DDAH1: variants seen among roughly 807,000 people sequenced by gnomAD.
The protein encoded by DDAH1 is N(G),N(G)-dimethylarginine dimethylaminohydrolase 1.
In DDAH1, 19 loss-of-function variants were observed where a neutral mutation model predicts 28.8. The observed-to-expected ratio is 0.66, with a 90% CI of 0.46 to 0.97. The LOEUF (loss-of-function observed/expected upper bound fraction) is 0.97. Ranked by LOEUF, DDAH1 falls within the 50% of genes least tolerant of loss-of-function variation. DDAH1 has a pLI of 0.00. For missense variants in DDAH1, 326 were observed against 375.9 expected (o/e 0.87, Z 1.10); for synonymous variants, 153 against 154.4 (o/e 0.99, Z 0.07).
chr1:85,432,528 TC>T (rs1486711149), intron 1 of DDAH1, among the ~76,000 whole-genome samples: 1 of 152,222 alleles, frequency 6.6e-6, no homozygotes, highest in Admixed American at 6.5e-5. Context: ...TCAGCTTTTT[TC>T]AGTAGATTCC....
intron 2 of DDAH1, chr1:85,482,400 A>G (rs192170723): frequency 3.4e-4 from 52 of 152,364 alleles, no homozygotes; most frequent in African/African-American, 1.3e-3. Context: ...GTCTTTCAAC[A>G]GTAGAAAATG....
chr1:85,343,497 T>G (rs1648637715), intron 4 of DDAH1, among the ~76,000 whole-genome samples: 1 of 152,240 alleles, frequency 6.6e-6, no homozygotes, highest in East Asian at 1.9e-4. Flanking sequence ...TTTAAAAAAA[T>G]CATTGTTTTG....
chr1:85,576,247 G>C (rs911449689), intron 1 of DDAH1, among the ~76,000 whole-genome samples: 14 of 152,296 alleles, frequency 9.2e-5, no homozygotes, highest in African/African-American at 3.4e-4. Flanking sequence ...TAGAGGGGAT[G>C]ACATGAGATT....
rs1661203610 is a variant in DDAH1, at chr1:85,318,652, G to A, written c.*2800C>T. 1 of 152,544 alleles carries A rather than the reference G, an allele frequency of 6.6e-6. No homozygotes were observed. The highest frequency in any genetic ancestry group is 1.5e-5 in the Non-Finnish European group (1 of 68,022). The allele number at this position is 152,544 out of a possible 1,614,324, so 9.4% of individuals were successfully genotyped here. A position where few individuals can be genotyped will look rare whatever the true frequency, so the allele number is the denominator to read the frequency against. ...AACCATACATTGGCTGGAATGAGGTGGTCAGGAAAATAAAATGCACAAATC... is the reference window on the plus strand; with the variant it reads ...AACCATACATTGGCTGGAATGAGGTAGTCAGGAAAATAAAATGCACAAATC... On this transcript the variant is annotated 3_prime_UTR_variant, in exon 6 of 6. Coordinates refer to ENST00000284031, the MANE Select transcript of DDAH1 (RefSeq NM_012137.4).
At chr1:85,525,177 C>T (rs1001278) in intron 1 of DDAH1, among the ~76,000 whole-genome samples, 2 of 151,170 alleles carry the variant, frequency 1.3e-5, no homozygotes, top group Non-Finnish European at 2.9e-5. Context: ...TTTTCTTTAT[C>T]GAATTGACTA....
chr1:85,357,808 C>T (rs1553125600), intron 2 of DDAH1, among the ~76,000 whole-genome samples: 6 of 152,212 alleles, frequency 3.9e-5, no homozygotes, highest in Admixed American at 2.6e-4. Context: ...AGATTTTACA[C>T]ATGATTTTAT....
intron 1 of DDAH1, among the ~76,000 whole-genome samples, chr1:85,566,529 G>T (rs886769678): frequency 6.6e-6 from 1 of 150,760 alleles, no homozygotes; most frequent in Non-Finnish European, 1.5e-5. Flanking sequence ...AAATAAAGTA[G>T]TAGAGAATGT....
intron 1 of DDAH1, among the ~76,000 whole-genome samples, chr1:85,559,628 G>T (rs1196620237): frequency 2.6e-5 from 4 of 152,086 alleles, no homozygotes; most frequent in Non-Finnish European, 5.9e-5. Flanking sequence ...GATGAGAAGT[G>T]AAAATCTTTT....
intron 1 of DDAH1, among the ~76,000 whole-genome samples, chr1:85,429,468 A>G (rs1653567944): frequency 6.6e-6 from 1 of 152,214 alleles, no homozygotes; most frequent in Admixed American, 6.5e-5. Flanking sequence ...TAGCGCTGCA[A>G]TAAACATATG....
chr1:85,409,885 C>T (rs548060738), intron 1 of DDAH1, among the ~76,000 whole-genome samples: 1 of 152,296 alleles, frequency 6.6e-6, no homozygotes, highest in African/African-American at 2.4e-5. Flanking sequence ...TATACTAGTC[C>T]TCAGCCCTAC....
chr1:85,535,202 C>T (rs2254461), intron 1 of DDAH1, among the ~76,000 whole-genome samples: 25 of 152,242 alleles, frequency 1.6e-4, no homozygotes, highest in African/African-American at 4.8e-4. Flanking sequence ...TCAAAATATA[C>T]GTGGGGCATA....
chr1:85,401,053 A>C (rs1044126681), intron 1 of DDAH1, among the ~76,000 whole-genome samples: 18 of 152,220 alleles, frequency 1.2e-4, no homozygotes, highest in African/African-American at 4.3e-4. Context: ...GGGTTTCTAA[A>C]GCTTTATATA....
chr1:85,341,751 T>A (rs1269818865), intron 4 of DDAH1, among the ~76,000 whole-genome samples: 2 of 151,806 alleles, frequency 1.3e-5, no homozygotes, highest in African/African-American at 4.8e-5. Context: ...AGGTGGAGCT[T>A]GCAGAGAGCC....
At chr1:85,519,086 A>ATTTTT (rs1411129355) in intron 1 of DDAH1, among the ~76,000 whole-genome samples, 2 of 101,306 alleles carry the variant, frequency 2.0e-5, no homozygotes, top group South Asian at 3.4e-4. Flanking sequence ...GGAAAGACGG[A>ATTTTT]TCTTTTTTTT....
intron 1 of DDAH1, among the ~76,000 whole-genome samples, chr1:85,568,520 C>A (rs909991800): frequency 1.3e-5 from 2 of 152,018 alleles, no homozygotes; most frequent in Non-Finnish European, 2.9e-5. Flanking sequence ...CAAGTAAGGC[C>A]AAGAATATAA....
At chr1:85,557,752 C>T (rs1403147244) in intron 1 of DDAH1, among the ~76,000 whole-genome samples, 3 of 152,000 alleles carry the variant, frequency 2.0e-5, no homozygotes, top group East Asian at 3.9e-4. Context: ...ATTCAGGGGG[C>T]CCTATTCCAA....
intron 1 of DDAH1, among the ~76,000 whole-genome samples, chr1:85,419,978 A>C (rs1344155133): frequency 6.6e-6 from 1 of 152,206 alleles, no homozygotes; most frequent in African/African-American, 2.4e-5. Flanking sequence ...TCACAGGGGT[A>C]AAGTGCCATT....
intron 1 of DDAH1, among the ~76,000 whole-genome samples, chr1:85,504,976 T>G (rs1268508664): frequency 6.5e-5 from 1 of 15,352 alleles, no homozygotes; most frequent in Non-Finnish European, 1.9e-4. Flanking sequence ...TTTTTTTTTT[T>G]TTTTTTTTTT....
chr1:85,574,398 C>G (rs1659539816), intron 1 of DDAH1, among the ~76,000 whole-genome samples: 2 of 152,240 alleles, frequency 1.3e-5, no homozygotes, highest in Admixed American at 1.3e-4. Flanking sequence ...ATGGTCCCAA[C>G]TGACATCTCT....
Sources: allele counts gnomAD v4.1 joint callset (sites outside exome capture counted in the v4.1 genomes callset), GRCh38; gene constraint gnomAD v4.1.1; transcripts MANE v1.5; gene names NCBI Gene and HGNC (gene_info 2026-07-23, HGNC 2026-07-21).